AOAH: variants seen among roughly 807,000 people sequenced by gnomAD.
AOAH encodes acyloxyacyl hydrolase (neutrophil).
Under a neutral mutation model 92.2 loss-of-function variants are expected in AOAH, and 64 were observed. The observed-to-expected ratio is 0.69, with a 90% confidence interval of 0.57 to 0.86. The LOEUF (loss-of-function observed/expected upper bound fraction) is 0.86, where lower values mean the gene tolerates loss of function less well. Ranked by LOEUF, AOAH falls within the 40% of genes least tolerant of loss-of-function variation. The pLI, the probability that AOAH is intolerant of heterozygous loss-of-function variation, is 0.00. For synonymous variants in AOAH, 263 were observed against 254.5 expected (o/e 1.03, Z -0.32); for missense variants, 656 against 694.6 (o/e 0.94, Z 0.62).
intron 1 of AOAH, among the ~76,000 whole-genome samples, chr7:36,688,513 A>G (rs1465647319): frequency 6.7e-6 from 1 of 150,008 alleles, no homozygotes; most frequent in Non-Finnish European, 1.5e-5. Flanking sequence ...CAACTAAAAA[A>G]TAATGATAAG....
chr7:36,685,025 A>G (rs969208675), intron 2 of AOAH, among the ~76,000 whole-genome samples: 4 of 151,660 alleles, frequency 2.6e-5, no homozygotes, highest in South Asian at 4.1e-4. Context: ...AAGGAAAACA[A>G]TATCATTTAT....
intron 1 of AOAH, among the ~76,000 whole-genome samples, chr7:36,707,053 T>C (rs759153469): frequency 3.4e-3 from 468 of 137,954 alleles, no homozygotes; most frequent in Non-Finnish European, 4.1e-3. Context: ...TTTTTTTTTT[T>C]TGGCATTCAC....
intron 18 of AOAH, 42 bp downstream of exon 18, chr7:36,532,105 G>T (rs756862690): frequency 5.6e-6 from 9 of 1,607,748 alleles, no homozygotes; most frequent in Non-Finnish European, 7.7e-6. Context: ...CACAGGGAAA[G>T]AATGATCAAA....
chr7:36,680,695 C>G (rs7783845), intron 2 of AOAH, among the ~76,000 whole-genome samples: 1,821 of 152,254 alleles, frequency 0.012, 42 homozygotes, highest in African/African-American at 0.042. Context: ...CCCATGGTGT[C>G]CTTTAACCTG....
intron 11 of AOAH, among the ~76,000 whole-genome samples, chr7:36,602,763 C>A (rs140514891): frequency 6.6e-6 from 1 of 152,084 alleles, no homozygotes; most frequent in South Asian, 2.1e-4. Flanking sequence ...GGGGTAATAA[C>A]TGGAATTTGA....
At chr7:36,683,821 C>T (rs12333352) in intron 2 of AOAH, among the ~76,000 whole-genome samples, 1,812 of 152,152 alleles carry the variant, frequency 0.012, 40 homozygotes, top group African/African-American at 0.042. Context: ...ACTGAAAAGG[C>T]CTAGAAAGAA....
intron 3 of AOAH, among the ~76,000 whole-genome samples, chr7:36,664,577 A>G (rs1714262121): frequency 6.6e-6 from 1 of 152,110 alleles, no homozygotes; most frequent in African/African-American, 2.4e-5. Context: ...TTCTCCTTCA[A>G]TATTGTGTCG....
intron 4 of AOAH, among the ~76,000 whole-genome samples, chr7:36,657,611 C>T (rs756746455): frequency 5.3e-5 from 8 of 152,106 alleles, no homozygotes; most frequent in Admixed American, 1.3e-4. Flanking sequence ...CTAGAACAGC[C>T]GTCAGAGGAA....
chr7:36,616,243 G>T (rs1342972893), intron 11 of AOAH, 137 bp downstream of exon 11: 51 of 695,582 alleles, frequency 7.3e-5, no homozygotes, highest in Middle Eastern at 2.4e-4. Flanking sequence ...AATGACTGTG[G>T]ATATGCCTTT....
intron 3 of AOAH, among the ~76,000 whole-genome samples, chr7:36,669,984 T>C (rs1004231338): frequency 3.3e-5 from 5 of 152,146 alleles, no homozygotes; most frequent in African/African-American, 1.2e-4. Context: ...CTGGCTGGGA[T>C]TGAGCTGCCC....
At chr7:36,638,812 G>T (rs1793696306) in intron 4 of AOAH, among the ~76,000 whole-genome samples, 1 of 152,242 alleles carries the variant, frequency 6.6e-6, no homozygotes, top group Non-Finnish European at 1.5e-5. Flanking sequence ...ATGCTCTTCA[G>T]GTGGGTTTGG....
At chr7:36,565,740 G>A (rs984302926) in intron 13 of AOAH, among the ~76,000 whole-genome samples, 2 of 151,612 alleles carry the variant, frequency 1.3e-5, no homozygotes, top group Non-Finnish European at 2.9e-5. Flanking sequence ...GAGGGATCTC[G>A]CTATGCGCAG....
At chr7:36,612,128 A>T (rs1791501203) in intron 11 of AOAH, among the ~76,000 whole-genome samples, 1 of 152,226 alleles carries the variant, frequency 6.6e-6, no homozygotes, top group Admixed American at 6.5e-5. Context: ...ATCTTGAGCC[A>T]CAATATTTGG....
rs1783755263 is a variant in AOAH, at chr7:36,516,963, A to G, written c.1600-3583T>C. Among the ~76,000 whole-genome samples, 1 of 152,238 alleles carries G rather than the reference A, an allele frequency of 6.6e-6. No individual in the cohort carries two copies. The highest frequency in any genetic ancestry group is 2.1e-4 in the South Asian group (1 of 4,836). The stretch of plus-strand genomic sequence containing the variant: ...AGGCATTGAGAAAATATTGGGTCTG[A>G]AATGAGACTGGCATGCTTATCACCA... On this transcript the variant is annotated intron_variant, in intron 20 of 20. Coordinates refer to ENST00000617537, the MANE Select transcript of AOAH (RefSeq NM_001637.4). The surrounding 1 kb of genome is among the most constrained non-coding windows in gnomAD (Gnocchi z 5.0).
Position 36,512,987 on chromosome 7 carries a change from G to C in AOAH, c.*265C>G. 1.4e-6 allele frequency: 2 copies of C among 1,435,504 alleles called. No homozygotes were observed. Among genetic ancestry groups the C allele is most frequent in the Non-Finnish European group, 1.9e-6 (2 of 1,062,392 alleles). 88.9% of individuals were successfully genotyped at this position (1,435,504 alleles called of 1,614,324 possible). On this transcript the variant is annotated 3_prime_UTR_variant, in exon 21 of 21. Transcript: ENST00000617537. ...AGAACAATTAGCTGTAAAGGGCACA[G>C]ATACTCTCTTGTTTGGAATGGCACC...
intron 11 of AOAH, among the ~76,000 whole-genome samples, chr7:36,602,385 C>T (rs1790676729): frequency 6.6e-6 from 1 of 151,808 alleles, no homozygotes; most frequent in African/African-American, 2.4e-5. Context: ...CTGCCGCATA[C>T]CAAATGAGAA....
At chr7:36,715,543 C>A (rs1799094759) in intron 1 of AOAH, among the ~76,000 whole-genome samples, 1 of 151,220 alleles carries the variant, frequency 6.6e-6, no homozygotes, top group Non-Finnish European at 1.5e-5. Context: ...AAGAACAAAG[C>A]TGGAGGCATC....
At chr7:36,657,231 C>T (rs537382027) in intron 4 of AOAH, among the ~76,000 whole-genome samples, 10 of 152,216 alleles carry the variant, frequency 6.6e-5, no homozygotes, top group Non-Finnish European at 8.8e-5. Context: ...ACATTGACAC[C>T]ACGTTAGAGC....
chr7:36,616,782 T>A (rs1791918441), intron 10 of AOAH, among the ~76,000 whole-genome samples: 1 of 152,196 alleles, frequency 6.6e-6, no homozygotes, highest in Non-Finnish European at 1.5e-5. Flanking sequence ...AAATCCGAAA[T>A]ATACCCAAAT....
Sources: allele counts gnomAD v4.1 joint callset (sites outside exome capture counted in the v4.1 genomes callset), GRCh38; gene constraint gnomAD v4.1.1; non-coding constraint Gnocchi (gnomAD v3.1); transcripts MANE v1.5; gene names NCBI Gene and HGNC (gene_info 2026-07-23, HGNC 2026-07-21).